The following PIP4P2 variants were observed in gnomAD, a reference collection of about 807,000 sequenced individuals.
The protein encoded by PIP4P2 is type 2 phosphatidylinositol 4,5-bisphosphate 4-phosphatase.
Under a neutral mutation model 33.3 loss-of-function variants are expected in PIP4P2, and 19 were observed. The ratio of observed to expected loss-of-function variants is 0.57; its 90% CI spans 0.40 to 0.84. The LOEUF is 0.84. Ranked by LOEUF, PIP4P2 falls within the 40% of genes least tolerant of loss-of-function variation. The pLI, the probability that PIP4P2 is intolerant of heterozygous loss-of-function variation, is 0.00. For synonymous variants in PIP4P2, 110 were observed against 111.9 expected (o/e 0.98, Z 0.11); for missense variants, 270 against 324.7 (o/e 0.83, Z 1.29).
At chr8:91,021,800 G>C (rs898042619) in intron 1 of PIP4P2, among the ~76,000 whole-genome samples, 1 of 152,128 alleles carries the variant, frequency 6.6e-6, no homozygotes, top group Non-Finnish European at 1.5e-5. Flanking sequence ...GTCGATGAAA[G>C]CAAAGTTTTA....
chr8:91,015,701 G>C (rs1223838269), intron 4 of PIP4P2, among the ~76,000 whole-genome samples: 1 of 152,164 alleles, frequency 6.6e-6, no homozygotes, highest in Non-Finnish European at 1.5e-5. Context: ...GAACAAAAGA[G>C]ACAGGGTCAT....
chr8:91,039,910 G>T (rs929486281), intron 1 of PIP4P2, among the ~76,000 whole-genome samples: 1 of 152,100 alleles, frequency 6.6e-6, no homozygotes, highest in Non-Finnish European at 1.5e-5. Context: ...AGAAATATAT[G>T]TATTATTAAT....
At chr8:91,001,120 G>A (rs1334833637) in intron 5 of PIP4P2, among the ~76,000 whole-genome samples, 1 of 151,982 alleles carries the variant, frequency 6.6e-6, no homozygotes, top group African/African-American at 2.4e-5. Context: ...ACAAGCAGTT[G>A]TAATAAATAA....
In PIP4P2 at chr8:91,017,066, T is replaced by C. The variant is rs573996339; in HGVS notation, c.486+1324A>G. On this transcript the variant is annotated intron_variant, in intron 4 of 6. Coordinates refer to ENST00000285419, the MANE Select transcript of PIP4P2 (RefSeq NM_018710.3). ...CAAAATGTTGCAATTTGACTGGGAG[T>C]ATGAAAGCAAGGAAAGGAATATGAG... Among the ~76,000 whole-genome samples, 3 of 152,104 alleles carry C rather than the reference T, an allele frequency of 2.0e-5. No homozygotes were observed. The East Asian group carries it at 5.8e-4, about 29-fold the overall frequency.
At chr8:91,040,418 T>TCACCACCACCACCACCACCAC (rs58764824) in intron 1 of PIP4P2, among the ~76,000 whole-genome samples, 1 of 131,498 alleles carries the variant, frequency 7.6e-6, no homozygotes, top group Non-Finnish European at 1.6e-5. Flanking sequence ...ACCACCACCA[T>TCACCACCACCACCACCACCAC]CACCACCACC....
Position 91,021,329 on chromosome 8 carries a change from C to T in PIP4P2, c.182G>A (p.Cys61Tyr). The change falls in exon 2 of 7, where the codon TGC (cysteine) becomes TAC (tyrosine). Residue 61 changes from cysteine (C) to tyrosine (Y), a missense_variant. By Grantham distance (194) the Cys-to-Tyr change is radical. Coordinates refer to ENST00000285419, the MANE Select transcript of PIP4P2 (RefSeq NM_018710.3). ...GCCATCCAAATTGATTAGTGATTGG[C>T]ACACACGGCAGTTTATTACTGGAAT... ...SGIPVINCRV[C>Y]QSLINLDGKL... 6.2e-7 allele frequency: 1 copy of T among 1,613,832 alleles called. No homozygotes were observed. Among genetic ancestry groups the T allele is most frequent in the Non-Finnish European group, 8.5e-7 (1 of 1,179,828 alleles).
At chr8:91,022,400 G>A (rs966192699) in intron 1 of PIP4P2, among the ~76,000 whole-genome samples, 1 of 152,114 alleles carries the variant, frequency 6.6e-6, no homozygotes, top group African/African-American at 2.4e-5. Context: ...CTGAGAAAAG[G>A]AATCCTGATA....
intron 1 of PIP4P2, among the ~76,000 whole-genome samples, chr8:91,024,904 A>C (rs1034016918): frequency 6.6e-6 from 1 of 152,186 alleles, no homozygotes; most frequent in African/African-American, 2.4e-5. Flanking sequence ...TGGAATTATG[A>C]AGTCTAATTT....
intron 1 of PIP4P2, among the ~76,000 whole-genome samples, chr8:91,029,846 A>T (rs1812136384): frequency 6.6e-6 from 1 of 152,156 alleles, no homozygotes. Context: ...GGGCGCCTGT[A>T]GTTCCAGCTA....
At chr8:91,024,208 C>T (rs556539352) in intron 1 of PIP4P2, 1 of 289,910 alleles carries the variant, frequency 3.4e-6, no homozygotes, top group Admixed American at 4.0e-5. Flanking sequence ...TTTCAATGTT[C>T]TATCCATTAC....
intron 4 of PIP4P2, among the ~76,000 whole-genome samples, chr8:91,013,330 T>G (rs937455654): frequency 1.3e-5 from 2 of 152,188 alleles, no homozygotes. Flanking sequence ...CAAGAAAGAA[T>G]GCAAGGTAGC....
At chr8:91,024,288 C>A in intron 1 of PIP4P2, 2 of 432,424 alleles carry the variant, frequency 4.6e-6, no homozygotes, top group South Asian at 3.4e-5. Flanking sequence ...TCAGATTTTA[C>A]CTCAAGGAAA....
chr8:91,001,854 C>T (rs779084245), intron 5 of PIP4P2, among the ~76,000 whole-genome samples: 1 of 151,986 alleles, frequency 6.6e-6, no homozygotes, highest in Non-Finnish European at 1.5e-5. Flanking sequence ...GGGGTGCTTT[C>T]CTACATACAG....
chr8:91,005,843 C>T (rs1389383551), intron 5 of PIP4P2, among the ~76,000 whole-genome samples: 1 of 152,142 alleles, frequency 6.6e-6, no homozygotes, highest in Non-Finnish European at 1.5e-5. Context: ...AAACATAGTC[C>T]AAACTGTATT....
In PIP4P2 at chr8:91,021,380, G is replaced by T. The variant is rs1278197706; in HGVS notation, c.131C>A (p.Ala44Asp). Reference protein sequence around the residue: ...PRAELPPPYTAIASPDASGIP... With the variant: ...PRAELPPPYTDIASPDASGIP... ...ACCACTGGCGTCTGGACTGGCAATGGCTGTATATGGAGGTGGGAGCTCCGC... is the reference window on the plus strand; with the variant it reads ...ACCACTGGCGTCTGGACTGGCAATGTCTGTATATGGAGGTGGGAGCTCCGC... The change falls in exon 2 of 7, where the codon GCC (alanine) becomes GAC (aspartate). Residue 44 changes from alanine to aspartate, a missense_variant. Ala to Asp is a moderately radical substitution (Grantham distance 126). Transcript: ENST00000285419. 2 of 1,613,754 alleles carry T rather than the reference G, an allele frequency of 1.2e-6. No homozygotes were observed. Among genetic ancestry groups the T allele is most frequent in the Non-Finnish European group, 1.7e-6 (2 of 1,179,782 alleles).
chr8:91,016,509 C>A (rs1340173290), intron 4 of PIP4P2: 1 of 152,054 alleles, frequency 6.6e-6, no homozygotes, highest in East Asian at 1.9e-4. Context: ...AACAATGGAA[C>A]AAAGACTTTA....
intron 4 of PIP4P2, among the ~76,000 whole-genome samples, chr8:91,015,603 A>T (rs1811904305): frequency 6.6e-6 from 1 of 152,170 alleles, no homozygotes; most frequent in African/African-American, 2.4e-5. Flanking sequence ...TAGCACTTGG[A>T]CATAAATTTA....
chr8:91,008,778 G>T lies in PIP4P2; in HGVS notation c.504C>A (p.Phe168Leu). ...GNTFLWMELR[F>L]NTLAKCPHCK... ...AGTGTGGGCATTTTGCCAGAGTGTTGAACCTCAGTTCCATCCACTGTAAAA... is the reference window on the plus strand; with the variant it reads ...AGTGTGGGCATTTTGCCAGAGTGTTTAACCTCAGTTCCATCCACTGTAAAA... Residue 168 changes from phenylalanine (F) to leucine (L), a missense_variant, in exon 5 of 7, where the codon TTC becomes TTA. Phe to Leu is a conservative substitution (Grantham distance 22). Coordinates refer to ENST00000285419, the MANE Select transcript of PIP4P2 (RefSeq NM_018710.3). 1 of 1,607,844 alleles carries T rather than the reference G, an allele frequency of 6.2e-7. No individual in the cohort carries two copies. The highest frequency in any genetic ancestry group is 8.5e-7 in the Non-Finnish European group (1 of 1,175,664).
chr8:90,996,275 GATAA>G, intron 6 of PIP4P2, among the ~76,000 whole-genome samples: 1 of 152,178 alleles, frequency 6.6e-6, no homozygotes, highest in South Asian at 2.1e-4. Context: ...GCTTGATTTG[GATAA>G]AGAGAAGAGT....
Sources: allele counts gnomAD v4.1 joint callset (sites outside exome capture counted in the v4.1 genomes callset), GRCh38; gene constraint gnomAD v4.1.1; transcripts MANE v1.5; gene names NCBI Gene and HGNC (gene_info 2026-07-23, HGNC 2026-07-21).